ROBO1: variants seen among roughly 807,000 people sequenced by gnomAD.
ROBO1 encodes the protein roundabout guidance receptor 1.
In ROBO1, 149 loss-of-function variants were observed where a neutral mutation model predicts 195.9. The observed-to-expected ratio is 0.76, with a 90% CI of 0.67 to 0.87. The LOEUF is 0.87. Ranked by LOEUF, ROBO1 falls within the 40% of genes least tolerant of loss-of-function variation. ROBO1 has a pLI of 0.00. For synonymous variants in ROBO1, 816 were observed against 733.2 expected (o/e 1.11, Z -1.82); for missense variants, 1,933 against 2,068.3 (o/e 0.93, Z 1.27).
At chr3:79,001,011 T>C (rs2077488927) in intron 3 of ROBO1, among the ~76,000 whole-genome samples, 1 of 151,858 alleles carries the variant, frequency 6.6e-6, no homozygotes, top group Admixed American at 6.6e-5. Flanking sequence ...CTCAGCAAAC[T>C]AACACAGGAA....
chr3:78,864,686 A>C (rs539823177), intron 4 of ROBO1, among the ~76,000 whole-genome samples: 24 of 151,896 alleles, frequency 1.6e-4, no homozygotes, highest in Non-Finnish European at 3.1e-4. Flanking sequence ...CTTAACTGTA[A>C]TGCATGTATG....
chr3:79,732,398 AT>A (rs1703191813), intron 1 of ROBO1, among the ~76,000 whole-genome samples: 1 of 152,090 alleles, frequency 6.6e-6, no homozygotes, highest in South Asian at 2.1e-4. Flanking sequence ...TTAAATTGTT[AT>A]TTTATGATAA....
chr3:79,536,033 A>G (rs1941848029), intron 2 of ROBO1, among the ~76,000 whole-genome samples: 1 of 152,152 alleles, frequency 6.6e-6, no homozygotes, highest in Admixed American at 6.6e-5. Flanking sequence ...TTGGAGATCT[A>G]TCATAACAAA....
chr3:79,658,160 C>T (rs1379092467), intron 1 of ROBO1, among the ~76,000 whole-genome samples: 1 of 152,042 alleles, frequency 6.6e-6, no homozygotes, highest in Non-Finnish European at 1.5e-5. Flanking sequence ...ATGTTTAGTT[C>T]ATATTTGACA....
rs375077548 is a variant in ROBO1 at position 79,173,388 on chromosome 3, G to A, written c.89-47849C>T. 2.6e-4 allele frequency among the ~76,000 whole-genome samples: 40 copies of A among 152,230 alleles called. 1 individual carries two copies. In the Middle Eastern group the frequency reaches 0.01, roughly 39 times the overall value. On this transcript the variant is annotated intron_variant, in intron 2 of 30. Coordinates refer to ENST00000464233, the MANE Select transcript of ROBO1 (RefSeq NM_002941.4). ...CTGCGCGCGGTGCTTGCAGGCCAGCGCGAGTTCCAGGTGGGTGTGGGCTCG... is the reference window on the plus strand; with the variant it reads ...CTGCGCGCGGTGCTTGCAGGCCAGCACGAGTTCCAGGTGGGTGTGGGCTCG...
chr3:79,475,149 T>TA (rs1559925918), intron 2 of ROBO1, among the ~76,000 whole-genome samples: 30 of 151,640 alleles, frequency 2.0e-4, no homozygotes, highest in African/African-American at 7.3e-4. Context: ...TGCTTTTTTT[T>TA]TAAAAAAAAA....
chr3:79,575,382 A>G (rs1315959037), intron 2 of ROBO1, among the ~76,000 whole-genome samples: 8 of 130,064 alleles, frequency 6.2e-5, no homozygotes. Context: ...ATATATAAAT[A>G]TAGATAACAA....
intron 2 of ROBO1, among the ~76,000 whole-genome samples, chr3:79,401,216 G>C (rs571342473): frequency 6.6e-6 from 1 of 151,582 alleles, no homozygotes; most frequent in East Asian, 1.9e-4. Context: ...ATTTCCCCAA[G>C]CTGTTTTTGG....
At chr3:79,300,805 G>A (rs1479053593) in intron 2 of ROBO1, among the ~76,000 whole-genome samples, 2 of 152,148 alleles carry the variant, frequency 1.3e-5, no homozygotes, top group Admixed American at 1.3e-4. Flanking sequence ...CTAGCTCAGG[G>A]TTTGTGAATG....
intron 3 of ROBO1, chr3:79,018,854 G>C (rs1001517308): frequency 3.0e-6 from 3 of 1,000,944 alleles, no homozygotes; most frequent in African/African-American, 3.4e-5. Flanking sequence ...GGGCAGGCGC[G>C]GCGGCGGCGG....
At chr3:79,300,555 C>T (rs571004717) in intron 2 of ROBO1, among the ~76,000 whole-genome samples, 99 of 152,320 alleles carry the variant, frequency 6.5e-4, no homozygotes, top group African/African-American at 2.3e-3. Context: ...CGCTGACCCC[C>T]GCTCCATGGC....
At chr3:79,016,301 G>A (rs573576788) in intron 3 of ROBO1, among the ~76,000 whole-genome samples, 2 of 152,302 alleles carry the variant, frequency 1.3e-5, no homozygotes, top group South Asian at 2.1e-4. Flanking sequence ...AAAGCTTCAG[G>A]TTATGTATGA....
At chr3:79,379,035 G>A (rs575072436) in intron 2 of ROBO1, among the ~76,000 whole-genome samples, 11 of 152,286 alleles carry the variant, frequency 7.2e-5, no homozygotes, top group African/African-American at 2.4e-4. Context: ...AACATAAGCC[G>A]AATTGATATA....
chr3:79,361,231 C>T (rs530668946), intron 2 of ROBO1, among the ~76,000 whole-genome samples: 14 of 151,640 alleles, frequency 9.2e-5, no homozygotes, highest in African/African-American at 2.9e-4. Flanking sequence ...TGGGGTATAA[C>T]GTATCTTTTT....
chr3:79,690,518 T>C (rs1000708719), intron 1 of ROBO1, among the ~76,000 whole-genome samples: 1 of 152,038 alleles, frequency 6.6e-6, no homozygotes, highest in African/African-American at 2.4e-5. Flanking sequence ...CACAGACTTA[T>C]GGACACCATG....
chr3:79,191,567 T>A (rs185191024), intron 2 of ROBO1, among the ~76,000 whole-genome samples: 3 of 151,406 alleles, frequency 2.0e-5, no homozygotes, highest in Admixed American at 2.0e-4. Flanking sequence ...AAAATATAAA[T>A]TATTAATATA....
intron 2 of ROBO1, among the ~76,000 whole-genome samples, chr3:79,501,367 A>G (rs1940060772): frequency 2.0e-5 from 3 of 152,290 alleles, no homozygotes; most frequent in African/African-American, 7.2e-5. Flanking sequence ...CCTGCTTTTC[A>G]TCTTTCAGAA....
At chr3:78,635,464 A>G (rs1020856905) in intron 23 of ROBO1, among the ~76,000 whole-genome samples, 2 of 152,310 alleles carry the variant, frequency 1.3e-5, no homozygotes, top group Admixed American at 1.3e-4. Flanking sequence ...AATGCGAGGT[A>G]TTGTGACAGT....
Position 79,070,897 on chromosome 3 carries a change from A to T in ROBO1, c.172+54559T>A, listed in dbSNP as rs1334843393. Among the ~76,000 whole-genome samples the T allele has an allele frequency of 3.3e-5, 5 of 151,674 alleles. No individual in the cohort carries two copies. The East Asian group carries it at 9.9e-4, about 30-fold the overall frequency. On this transcript the variant is annotated intron_variant, in intron 3 of 30. Coordinates refer to ENST00000464233, the MANE Select transcript of ROBO1 (RefSeq NM_002941.4). ...TGACTCTATAGCTAATTCTTTTTATACTGACTTTTAAAATTTTTTATTAGT... is the reference window on the plus strand; with the variant it reads ...TGACTCTATAGCTAATTCTTTTTATTCTGACTTTTAAAATTTTTTATTAGT...
Sources: gnomAD v4.1 joint callset for allele counts (sites outside exome capture counted in the v4.1 genomes callset) on GRCh38, gnomAD v4.1.1 for gene constraint, MANE v1.5 for transcripts, NCBI Gene and HGNC (gene_info 2026-07-23, HGNC 2026-07-21) for gene names.